Variants in VWF observed in about 807,000 individuals in gnomAD.
VWF encodes the protein Factor VIII related antigen.
VWF carries 176 observed loss-of-function variants against 308.6 expected under a neutral mutation model. The observed-to-expected ratio is 0.57, with a 90% CI of 0.50 to 0.65. VWF has a LOEUF of 0.65. VWF is among the 30% of genes least tolerant of loss of function. VWF has a pLI of 0.00. For synonymous variants in VWF, 1,385 were observed against 1,443.4 expected (o/e 0.96, Z 0.92); for missense variants, 3,146 against 3,648.2 (o/e 0.86, Z 3.55).
In VWF at chr12:5,951,874, T is replaced by A. The variant is rs1361042571; in HGVS notation, c.8125A>T (p.Met2709Leu). ...HKCLAEGGKIMKIPGTCCDTC... is the reference protein window; with the variant it reads ...HKCLAEGGKILKIPGTCCDTC... The stretch of plus-strand genomic sequence containing the variant: ...TCACAGCAGGTGCCTGGAATTTTCA[T>A]AATTTTACCCTAAGAAAACAGCAAA... The change falls in exon 50 of 52, where the codon ATG (methionine) becomes TTG (leucine). Residue 2709 changes from methionine to leucine, a missense_variant. Transcript: ENST00000261405. The A allele has an allele frequency of 1.2e-6, 2 of 1,614,118 alleles. No homozygotes were observed. Among genetic ancestry groups the A allele is most frequent in the Non-Finnish European group, 1.7e-6 (2 of 1,180,042 alleles).
intron 51 of VWF, 112 bp from the exon 52 acceptor site, chr12:5,949,315 T>C: frequency 8.8e-7 from 1 of 1,131,586 alleles, no homozygotes. Context: ...AAGGCAGGTC[T>C]GATCTCACCC....
intron 40 of VWF, 72 bp from the exon 41 acceptor site, chr12:5,983,326 G>A (rs185957991): frequency 7.0e-7 from 1 of 1,438,814 alleles, no homozygotes; most frequent in African/African-American, 1.4e-5. Flanking sequence ...TGAGTGGGAT[G>A]CTACATTCCT....
In VWF at chr12:6,025,681, A is replaced by T. The variant is rs1375690430; in HGVS notation, c.3121T>A (p.Ser1041Thr). ...TTGTTATGGCAGGTGGCAGGGGATG[A>T]GTCCAGAGGCACCTGGGAACCAGGC... ...CADTRKVPLD[S>T]SPATCHNNIM... is the part of the protein sequence containing the mutation. Residue 1041 changes from serine to threonine, a missense_variant, in exon 24 of 52, where the codon TCA becomes ACA. Coordinates refer to ENST00000261405, the MANE Select transcript of VWF (RefSeq NM_000552.5). The T allele has an allele frequency of 1.3e-6, 2 of 1,504,828 alleles. No homozygotes were observed. The highest frequency in any genetic ancestry group is 4.5e-5 in the East Asian group (2 of 44,228). The allele number at this position is 1,504,828 out of a possible 1,614,324, so 93.2% of individuals were successfully genotyped here.
chr12:6,112,161 T>C (rs998772593), intron 3 of VWF, among the ~76,000 whole-genome samples: 1 of 152,038 alleles, frequency 6.6e-6, no homozygotes, highest in African/African-American at 2.4e-5. Context: ...CACTAAATGG[T>C]TGACAATGGA....
chr12:6,013,408 A>G, intron 32 of VWF, 73 bp downstream of exon 32: 1 of 1,590,302 alleles, frequency 6.3e-7, no homozygotes, highest in Non-Finnish European at 8.6e-7. Flanking sequence ...CTTGAATACT[A>G]TTTTTGTTTC....
At chr12:6,042,019 A>G (rs1438148006) in intron 18 of VWF, among the ~76,000 whole-genome samples, 2 of 152,184 alleles carry the variant, frequency 1.3e-5, no homozygotes, top group African/African-American at 4.8e-5. Context: ...GCTTTCACAC[A>G]CATCTCCTTG....
intron 31 of VWF, among the ~76,000 whole-genome samples, chr12:6,014,620 C>T (rs1319097034): frequency 6.6e-6 from 1 of 152,144 alleles, no homozygotes; most frequent in Admixed American, 6.5e-5. Context: ...GTTGGAATTG[C>T]CATTTTCTAA....
At chr12:6,055,455 A>T (rs1591888232) in intron 15 of VWF, among the ~76,000 whole-genome samples, 2 of 152,158 alleles carry the variant, frequency 1.3e-5, no homozygotes, top group Admixed American at 1.3e-4. Flanking sequence ...GCCAGTAAGG[A>T]CCCAGACCCA....
At chr12:6,088,351 C>T (rs1390637001) in intron 6 of VWF, among the ~76,000 whole-genome samples, 1 of 151,944 alleles carries the variant, frequency 6.6e-6, no homozygotes, top group Non-Finnish European at 1.5e-5. Context: ...TGGTGACAGG[C>T]GCATGTAGTC....
intron 5 of VWF, among the ~76,000 whole-genome samples, chr12:6,097,130 C>T (rs577634551): frequency 3.3e-5 from 5 of 152,248 alleles, no homozygotes; most frequent in South Asian, 4.1e-4. Flanking sequence ...ATGCAATCAC[C>T]TGTATCCTTA....
chr12:6,071,296 C>T lies in VWF; in HGVS notation c.1156+1G>A. The stretch of plus-strand genomic sequence containing the variant: ...AAGAGAATGAGCGGCAGGTCGCCTA[C>T]CTGGACATTCTTCATTGCTGCAGAT... On this transcript the variant is annotated splice_donor_variant, in intron 10 of 51. Coordinates refer to ENST00000261405, the MANE Select transcript of VWF (RefSeq NM_000552.5). LOFTEE classifies it high-confidence loss of function. 6.2e-7 allele frequency: 1 copy of T among 1,614,136 alleles called. No homozygotes were observed. The highest frequency in any genetic ancestry group is 8.5e-7 in the Non-Finnish European group (1 of 1,180,028).
chr12:5,994,645 A>C (rs1943788807), intron 35 of VWF, 38 bp from the exon 36 acceptor site: 1 of 1,602,056 alleles, frequency 6.2e-7, no homozygotes, highest in East Asian at 2.2e-5. Context: ...TAGTCCTAGC[A>C]ATGAGGAATC....
At chr12:6,071,405 A>G in intron 9 of VWF, 62 bp from the exon 10 acceptor site, 3 of 1,583,376 alleles carry the variant, frequency 1.9e-6, no homozygotes, top group Non-Finnish European at 2.6e-6. Context: ...ATGCAAATGG[A>G]TTTAGAGCTC....
At position 6,065,144 on chromosome 12, in the gene VWF, G is replaced by C. The variant is rs764823369; in HGVS notation, c.1286C>G (p.Thr429Ser). 1.4e-5 allele frequency: 22 copies of C among 1,614,230 alleles called. No homozygotes were observed. The highest frequency in any genetic ancestry group is 1.9e-5 in the Non-Finnish European group (22 of 1,180,048). The change falls in exon 11 of 52, where the codon ACT becomes AGT. Residue 429 changes from threonine (T) to serine (S), a missense_variant. By Grantham distance (58) the Thr-to-Ser change is moderately conservative. Transcript: ENST00000261405. Reference sequence around the variant, plus strand: ...CGGGCTGGCAAAGCTCACCTGGACAGTCTCAATGACAATGGAGAAGGAGTG... The same window carrying C: ...CGGGCTGGCAAAGCTCACCTGGACACTCTCAATGACAATGGAGAAGGAGTG... ...QDHSFSIVIE[T>S]VQCADDRDAV...
intron 42 of VWF, among the ~76,000 whole-genome samples, chr12:5,980,770 C>T (rs1445987014): frequency 6.6e-6 from 1 of 151,540 alleles, no homozygotes; most frequent in African/African-American, 2.4e-5. Context: ...CTGTTCCAGC[C>T]CTAACAGGCT....
chr12:5,950,445 CAG>C (rs1288630033), intron 50 of VWF, among the ~76,000 whole-genome samples: 1 of 152,040 alleles, frequency 6.6e-6, no homozygotes, highest in Non-Finnish European at 1.5e-5. Flanking sequence ...TCCTTTCACA[CAG>C]GGGTTAGTGG....
rs570276855 is a variant in VWF, at chr12:6,058,793, C to G, written c.1534-749G>C. Among the ~76,000 whole-genome samples, 1 of 152,316 alleles carries G rather than the reference C, an allele frequency of 6.6e-6. No homozygotes were observed. Among genetic ancestry groups the G allele is most frequent in the South Asian group, 2.1e-4 (1 of 4,826 alleles). ...GAGCATGTGGTTTACTGTCCATTCT[C>G]AGAACTGAACAAAGTTCTGAGCCCA... On this transcript the variant is annotated intron_variant, in intron 13 of 51. Transcript: ENST00000261405. The surrounding 1 kb of genome is among the most constrained non-coding windows in gnomAD (Gnocchi z 4.9).
chr12:6,073,388 C>T (rs148032013), intron 8 of VWF, among the ~76,000 whole-genome samples: 3 of 152,326 alleles, frequency 2.0e-5, no homozygotes, highest in Non-Finnish European at 2.9e-5. Context: ...GGCCACCCTC[C>T]AATTTCCCTC....
At chr12:6,073,457 C>A (rs548682268) in intron 8 of VWF, among the ~76,000 whole-genome samples, 162 bp downstream of exon 8, 1 of 152,286 alleles carries the variant, frequency 6.6e-6, no homozygotes, top group Admixed American at 6.5e-5. Context: ...AAATAAAGAC[C>A]AGCTCAATCC....
Sources: gnomAD v4.1 joint callset for allele counts (sites outside exome capture counted in the v4.1 genomes callset) on GRCh38, gnomAD v4.1.1 for gene constraint, Gnocchi (gnomAD v3.1) non-coding constraint, MANE v1.5 for transcripts, NCBI Gene and HGNC (gene_info 2026-07-23, HGNC 2026-07-21) for gene names.